DTWD2: variants seen among roughly 807,000 people sequenced by gnomAD.
DTWD2 encodes tRNA-uridine aminocarboxypropyltransferase 2.
DTWD2 carries 39 observed loss-of-function variants against 31.8 expected under a neutral mutation model. The observed-to-expected ratio is 1.22, with a 90% CI of 0.95 to 1.60. DTWD2 has a LOEUF of 1.60. DTWD2 is among the 40% of genes most tolerant of loss of function. DTWD2 has a pLI of 0.00. For missense variants in DTWD2, 515 were observed against 381.5 expected (o/e 1.35, Z -2.92); for synonymous variants, 180 against 142.8 (o/e 1.26, Z -1.86).
Position 118,971,582 on chromosome 5 carries a change from A to G in DTWD2, c.218+16712T>C, listed in dbSNP as rs544988163. ...ATATTAGACAGATGATCAAGACAGA[A>G]AATTAACAAAGATATTCAGGACCTG... On this transcript the variant is annotated intron_variant, in intron 1 of 5. Coordinates refer to ENST00000510708, the MANE Select transcript of DTWD2 (RefSeq NM_173666.4). 2.0e-5 allele frequency among the ~76,000 whole-genome samples: 3 copies of G among 152,312 alleles called. No homozygotes were observed. In the South Asian group the frequency reaches 6.2e-4, roughly 32 times the overall value.
At chr5:118,898,992 G>A (rs1753145011) in intron 4 of DTWD2, among the ~76,000 whole-genome samples, 1 of 152,180 alleles carries the variant, frequency 6.6e-6, no homozygotes, top group Admixed American at 6.5e-5. Flanking sequence ...CACAAGCACA[G>A]AACAGCAAAA....
intron 1 of DTWD2, among the ~76,000 whole-genome samples, chr5:118,965,407 C>T (rs960411424): frequency 1.4e-4 from 21 of 148,522 alleles, no homozygotes; most frequent in Admixed American, 1.1e-3. Context: ...GCCCGGCCGC[C>T]ACCCCGTCTG....
chr5:118,850,034 A>T (rs1751960880), intron 4 of DTWD2, among the ~76,000 whole-genome samples: 1 of 152,030 alleles, frequency 6.6e-6, no homozygotes, highest in African/African-American at 2.4e-5. Context: ...TAAAAAAGAA[A>T]ATGAAAAAAA....
chr5:118,872,839 AG>A (rs1752536028), intron 4 of DTWD2, among the ~76,000 whole-genome samples: 1 of 152,250 alleles, frequency 6.6e-6, no homozygotes, highest in African/African-American at 2.4e-5. Context: ...TCGCACTAGA[AG>A]ATGGCCAACT....
At position 118,928,711 on chromosome 5, in the gene DTWD2, A is replaced by G; in HGVS notation, c.423T>C (p.Thr141=). ...TTAATGTACCAGACTTCCGGCAAAC[A>G]GTTGAAAGTTCAGGATCTCTGAAAA... is the stretch of plus-strand genomic sequence containing the variant. ...FSEERDPELS[T]VCRKSGTLIL... Residue 141 remains threonine, a synonymous_variant, in exon 4 of 6, where the codon ACT becomes ACC. Coordinates refer to ENST00000510708, the MANE Select transcript of DTWD2 (RefSeq NM_173666.4). The G allele has an allele frequency of 6.4e-7, 1 of 1,571,682 alleles. No homozygotes were observed. The highest frequency in any genetic ancestry group is 8.6e-7 in the Non-Finnish European group (1 of 1,161,748).
chr5:118,959,505 T>G (rs921887760), intron 1 of DTWD2, among the ~76,000 whole-genome samples: 1 of 152,142 alleles, frequency 6.6e-6, no homozygotes, highest in Non-Finnish European at 1.5e-5. Flanking sequence ...GAGTCAACAT[T>G]GTTAAAATGA....
intron 4 of DTWD2, among the ~76,000 whole-genome samples, chr5:118,917,667 A>C (rs1753609639): frequency 6.6e-6 from 1 of 151,756 alleles, no homozygotes; most frequent in African/African-American, 2.4e-5. Context: ...GGGGAGAAAA[A>C]CCCCTTGTAA....
intron 1 of DTWD2, among the ~76,000 whole-genome samples, chr5:118,955,315 T>C (rs531052803): frequency 5.3e-5 from 8 of 152,346 alleles, no homozygotes; most frequent in Non-Finnish European, 8.8e-5. Context: ...GACGCATTTC[T>C]GCTTTATTAC....
At chr5:118,977,356 G>C (rs1376131606) in intron 1 of DTWD2, among the ~76,000 whole-genome samples, 1 of 152,170 alleles carries the variant, frequency 6.6e-6, no homozygotes, top group African/African-American at 2.4e-5. Context: ...GCAAGAGAAA[G>C]AAAGAAAGGG....
chr5:118,944,417 AT>A, intron 2 of DTWD2, 141 bp downstream of exon 2: 4 of 793,134 alleles, frequency 5.0e-6, no homozygotes, highest in Non-Finnish European at 7.9e-6. Flanking sequence ...AAAAGAAACT[AT>A]TTTTTCCAAA....
At chr5:118,900,318 A>G (rs971969081) in intron 4 of DTWD2, among the ~76,000 whole-genome samples, 6 of 152,182 alleles carry the variant, frequency 3.9e-5, no homozygotes, top group Admixed American at 2.0e-4. Flanking sequence ...TATTTTTAAA[A>G]ACTTTTTCCC....
chr5:118,904,642 T>A (rs1753286484), intron 4 of DTWD2, among the ~76,000 whole-genome samples: 1 of 151,774 alleles, frequency 6.6e-6, no homozygotes, highest in African/African-American at 2.4e-5. Context: ...AGCAGCAAGT[T>A]AAGAAGCAAA....
chr5:118,970,981 A>C (rs917229170), intron 1 of DTWD2, among the ~76,000 whole-genome samples: 9 of 152,208 alleles, frequency 5.9e-5, no homozygotes, highest in African/African-American at 1.7e-4. Flanking sequence ...GAGCTCCTGA[A>C]GGAAGCACTA....
Position 118,983,041 on chromosome 5 carries a change from C to G in DTWD2, c.218+5253G>C, listed in dbSNP as rs533035357. ...TACTGATTCAACAGTTTCAGTTATT[C>G]TACATTAACTACCCTAGGAATTACC... is the stretch of plus-strand genomic sequence containing the variant. On this transcript the variant is annotated intron_variant, in intron 1 of 5. Transcript: ENST00000510708. Among the ~76,000 whole-genome samples the G allele has an allele frequency of 1.2e-3, 183 of 152,218 alleles. 2 individuals are homozygous for G. Among genetic ancestry groups the G allele is most frequent in the African/African-American group, 4.2e-3 (174 of 41,534 alleles).
chr5:118,844,431 C>G (rs1004814487), intron 5 of DTWD2, among the ~76,000 whole-genome samples: 1 of 152,152 alleles, frequency 6.6e-6, no homozygotes, highest in African/African-American at 2.4e-5. Context: ...AAGCCACTAT[C>G]TTTTAGTTCA....
intron 4 of DTWD2, among the ~76,000 whole-genome samples, chr5:118,853,450 T>C (rs561720717): frequency 2.0e-5 from 3 of 152,298 alleles, no homozygotes; most frequent in African/African-American, 4.8e-5. Flanking sequence ...CATGCACTTA[T>C]ATGTTCACTG....
chr5:118,875,701 C>A (rs535672970), intron 4 of DTWD2, among the ~76,000 whole-genome samples: 2 of 152,066 alleles, frequency 1.3e-5, no homozygotes, highest in Admixed American at 6.5e-5. Context: ...ACAGGAGCAT[C>A]CAGATTTATA....
intron 1 of DTWD2, among the ~76,000 whole-genome samples, chr5:118,966,413 T>C (rs1754850823): frequency 6.6e-6 from 1 of 152,230 alleles, no homozygotes; most frequent in African/African-American, 2.4e-5. Flanking sequence ...ACACCTCTTT[T>C]GTGTTCAGAA....
At chr5:118,854,374 A>G (rs1481371253) in intron 4 of DTWD2, among the ~76,000 whole-genome samples, 1 of 152,080 alleles carries the variant, frequency 6.6e-6, no homozygotes, top group African/African-American at 2.4e-5. Context: ...TATTGTCATT[A>G]ATTTCTCTTA....
Sources: gnomAD v4.1 joint callset for allele counts (sites outside exome capture counted in the v4.1 genomes callset) on GRCh38, gnomAD v4.1.1 for gene constraint, MANE v1.5 for transcripts, NCBI Gene and HGNC (gene_info 2026-07-23, HGNC 2026-07-21) for gene names.